CSDE1: variants seen among roughly 807,000 people sequenced by gnomAD.
CSDE1 encodes cold shock domain-containing protein E1.
In CSDE1, 17 loss-of-function variants were observed where a neutral mutation model predicts 89.3. The observed-to-expected ratio is 0.19, with a 90% confidence interval of 0.13 to 0.29. The LOEUF is 0.29. Ranked by LOEUF, CSDE1 falls within the 10% of genes least tolerant of loss-of-function variation. The pLI is 1.00. For synonymous variants in CSDE1, 322 were observed against 332.8 expected, an observed-to-expected ratio of 0.97 and a Z score of 0.35; for missense variants, 672 against 984.2, an observed-to-expected ratio of 0.68 and a Z score of 4.24.
intron 2 of CSDE1, chr1:114,748,414 G>T (rs187789449): frequency 5.1e-4 from 78 of 152,108 alleles, no homozygotes; most frequent in African/African-American, 1.9e-3. Flanking sequence ...TAGAAAATCT[G>T]GAAACTAAAG....
At chr1:114,732,312 A>G (rs1660149121) in intron 10 of CSDE1, among the ~76,000 whole-genome samples, 1 of 152,182 alleles carries the variant, frequency 6.6e-6, no homozygotes, top group African/African-American at 2.4e-5. Flanking sequence ...ACAATGATGA[A>G]CTTGAATTTT....
At chr1:114,757,900 AG>A (rs1661706315) in intron 1 of CSDE1, 24 bp downstream of exon 1, 1 of 152,702 alleles carries the variant, frequency 6.5e-6, no homozygotes, top group South Asian at 2.1e-4. Context: ...TGCTACCCCC[AG>A]TTGGACCCTG....
chr1:114,755,880 G>A (rs915174841), intron 1 of CSDE1, among the ~76,000 whole-genome samples: 1 of 152,210 alleles, frequency 6.6e-6, no homozygotes, highest in Non-Finnish European at 1.5e-5. Context: ...CTTGTCGAAA[G>A]TATGGCTCTC....
chr1:114,756,925 T>C (rs777763404), intron 1 of CSDE1: 4 of 152,180 alleles, frequency 2.6e-5, no homozygotes, highest in South Asian at 2.1e-4. Context: ...AGATTTCGTA[T>C]TGATAAAATA....
rs1314208666 is a variant in CSDE1, at chr1:114,739,815, C to T, written c.76G>A (p.Glu26Lys). 6.2e-7 allele frequency: 1 copy of T among 1,613,938 alleles called. No homozygotes were observed. Among genetic ancestry groups the T allele is most frequent in the Admixed American group, 1.7e-5 (1 of 60,000 alleles). ...YPNGTSAALR[E>K]TGVIEKLLTS... ...AACAGTTTTTCAATAACCCCAGTTT[C>T]ACGCAGTGCTGCTGAAGTACCATTA... The change falls in exon 3 of 20, where the codon GAA (glutamate) becomes AAA (lysine). Residue 26 changes from glutamate (E) to lysine (K), a missense_variant. Physicochemically the swap from Glu to Lys is moderately conservative, Grantham distance 56 (BLOSUM62 1). Transcript: ENST00000358528.
intron 9 of CSDE1, among the ~76,000 whole-genome samples, 183 bp downstream of exon 9, chr1:114,733,549 A>AC (rs1557997938): frequency 2.7e-5 from 4 of 149,410 alleles, no homozygotes; most frequent in African/African-American, 9.7e-5. Flanking sequence ...AAAAAAAAAA[A>AC]CACCATATTT....
chr1:114,747,812 C>G (rs1456732358), intron 2 of CSDE1, among the ~76,000 whole-genome samples: 1 of 151,846 alleles, frequency 6.6e-6, no homozygotes, highest in African/African-American at 2.4e-5. Context: ...GAGCCAAGAT[C>G]ACCCCACTGC....
Position 114,737,921 on chromosome 1 carries a change from A to G in CSDE1, c.309+42T>C, listed in dbSNP as rs924166274. 3.1e-6 allele frequency: 4 copies of G among 1,307,224 alleles called. No individual in the cohort carries two copies. The African/African-American group carries it at 4.4e-5, about 14-fold the overall frequency. The allele number at this position is 1,307,224 out of a possible 1,614,324, so 81.0% of individuals were successfully genotyped here. A position where few individuals can be genotyped will look rare whatever the true frequency, so the allele number is the denominator to read the frequency against. On this transcript the variant is annotated intron_variant, in intron 4 of 19. Transcript: ENST00000358528. ...CTTTTCTAATGTGAAAGATATGCAA[A>G]TGCAGGGCCCTAAAAAAACACAAAG...
chr1:114,736,487 C>G (rs532809368), intron 6 of CSDE1, among the ~76,000 whole-genome samples: 1 of 152,252 alleles, frequency 6.6e-6, no homozygotes, highest in Admixed American at 6.5e-5. Flanking sequence ...TCAAAACTTA[C>G]CTCAAAGCAC....
chr1:114,741,641 T>C (rs1481453964), intron 2 of CSDE1: 9 of 1,547,190 alleles, frequency 5.8e-6, no homozygotes, highest in South Asian at 4.8e-5. Flanking sequence ...GAGGATCTGA[T>C]GACACAGTAA....
At chr1:114,732,571 T>TTAGA (rs1284177422) in intron 10 of CSDE1, 33 bp downstream of exon 10, 1 of 1,596,520 alleles carries the variant, frequency 6.3e-7, no homozygotes, top group Non-Finnish European at 8.6e-7. Flanking sequence ...CTTTCGCATA[T>TTAGA]TAGATACATA....
chr1:114,739,674 G>A lies in CSDE1; in HGVS notation c.199+18C>T. ...AATTTTGTGATTACATTTTTACAAA[G>A]GAGAACTGACAGATTACCTCCTACT... is the stretch of plus-strand genomic sequence containing the variant. On this transcript the variant is annotated intron_variant, in intron 3 of 19. Transcript: ENST00000358528. 2 of 1,585,896 alleles carry A rather than the reference G, an allele frequency of 1.3e-6. No individual in the cohort carries two copies. Among genetic ancestry groups the A allele is most frequent in the Non-Finnish European group, 1.7e-6 (2 of 1,156,278 alleles).
At chr1:114,749,535 C>T (rs575385193) in intron 2 of CSDE1, among the ~76,000 whole-genome samples, 192 of 152,336 alleles carry the variant, frequency 1.3e-3, no homozygotes, top group African/African-American at 4.5e-3. Flanking sequence ...AATGCACATT[C>T]TTATTTGAAA....
chr1:114,720,768 G>C (rs1250948452), intron 16 of CSDE1, 51 bp from the exon 17 acceptor site: 1 of 1,539,060 alleles, frequency 6.5e-7, no homozygotes, highest in African/African-American at 1.4e-5. Flanking sequence ...ACAGTCCTCT[G>C]CTGATGACCC....
At chr1:114,719,890 G>A in intron 17 of CSDE1, 148 bp from the exon 18 acceptor site, 4 of 697,512 alleles carry the variant, frequency 5.7e-6, no homozygotes, top group Non-Finnish European at 9.3e-6. Flanking sequence ...AACCTGTCAG[G>A]GAAGAAATGT....
At chr1:114,728,228 A>G (rs2101027974) in intron 12 of CSDE1, among the ~76,000 whole-genome samples, 1 of 152,326 alleles carries the variant, frequency 6.6e-6, no homozygotes, top group East Asian at 1.9e-4. Context: ...ACCCAGCGCA[A>G]AATAATCCAG....
At chr1:114,747,987 A>G (rs903160741) in intron 2 of CSDE1, among the ~76,000 whole-genome samples, 1 of 152,252 alleles carries the variant, frequency 6.6e-6, no homozygotes, top group African/African-American at 2.4e-5. Context: ...TTTTTTAAAA[A>G]TCAGCTAAGG....
Position 114,726,317 on chromosome 1 carries a change from G to C in CSDE1, c.1534C>G (p.Arg512Gly). ...QVATCVRLLG[R>G]NSNSKRLLGY... is the part of the protein sequence containing the mutation. Reference sequence around the variant, plus strand: ...AAGAGCCTCTTGGAGTTAGAATTACGACCTAAAAGTCGCACACAAGTTGCA... The same window carrying C: ...AAGAGCCTCTTGGAGTTAGAATTACCACCTAAAAGTCGCACACAAGTTGCA... Residue 512 changes from arginine to glycine, a missense_variant, in exon 14 of 20, where the codon CGT becomes GGT. Arg to Gly is a moderately radical substitution (Grantham distance 125). This residue lies in a region of CSDE1 where 108 missense variants were observed against 105.0 expected (regional missense o/e 1.03). Coordinates refer to ENST00000358528, the MANE Select transcript of CSDE1 (RefSeq NM_001007553.3). 1.2e-6 allele frequency: 2 copies of C among 1,613,724 alleles called. No individual in the cohort carries two copies. The highest frequency in any genetic ancestry group is 1.7e-6 in the Non-Finnish European group (2 of 1,179,860).
intron 15 of CSDE1, 48 bp from the exon 16 acceptor site, chr1:114,724,050 T>C (rs1304069604): frequency 1.3e-6 from 2 of 1,575,320 alleles, no homozygotes; most frequent in Non-Finnish European, 1.7e-6. Context: ...TCATCTCTAC[T>C]ACATAGAAAG....
Sources: allele counts gnomAD v4.1 joint callset (sites outside exome capture counted in the v4.1 genomes callset), GRCh38; gene constraint gnomAD v4.1.1; regional missense constraint gnomAD v4.1.1; transcripts MANE v1.5; gene names NCBI Gene and HGNC (gene_info 2026-07-23, HGNC 2026-07-21).